Variants in TRPM3 observed in about 807,000 individuals in gnomAD.
The protein encoded by TRPM3 is long transient receptor potential channel 3.
In TRPM3, 77 loss-of-function variants were observed where a neutral mutation model predicts 181.2. That is an observed-to-expected ratio of 0.42 (90% CI 0.35 to 0.51). The LOEUF (loss-of-function observed/expected upper bound fraction) is 0.51, where lower values mean the gene tolerates loss of function less well. Ranked by LOEUF, TRPM3 falls within the 20% of genes least tolerant of loss-of-function variation. The pLI is 0.01. For missense variants in TRPM3, 1,759 were observed against 2,196.7 expected, an observed-to-expected ratio of 0.80 and a Z score of 3.98; for synonymous variants, 745 against 796.4, an observed-to-expected ratio of 0.94 and a Z score of 1.09.
In TRPM3 at chr9:70,905,748, T is replaced by A. The variant is rs78621704; in HGVS notation, c.178-41237A>T. Among the ~76,000 whole-genome samples, 824 of 152,138 alleles carry A rather than the reference T, an allele frequency of 5.4e-3. 6 individuals are homozygous for A. Among genetic ancestry groups the A allele is most frequent in the South Asian group, 0.048 (231 of 4,792 alleles). ...ATTCTAATAAGAAAGTCGTTTCTTT[T>A]TTTTTTTCTTTTGAGACAGCGTCTT... is the stretch of plus-strand genomic sequence containing the variant. On this transcript the variant is annotated intron_variant, in intron 1 of 25. Transcript: ENST00000677713.
intron 22 of TRPM3, among the ~76,000 whole-genome samples, chr9:70,587,001 A>AT (rs375691936): frequency 0.046 from 6,846 of 147,536 alleles, 481 homozygotes; most frequent in African/African-American, 0.15. Context: ...AGGAGCAAGG[A>AT]TTTTTTTTTT....
At chr9:70,794,352 A>G (rs1255337825) in intron 6 of TRPM3, among the ~76,000 whole-genome samples, 1 of 152,220 alleles carries the variant, frequency 6.6e-6, no homozygotes, top group Non-Finnish European at 1.5e-5. Flanking sequence ...GACCCAGGGC[A>G]GAGAGAGCAA....
At chr9:71,309,009 T>C (rs951233326) in intron 1 of TRPM3, among the ~76,000 whole-genome samples, 4 of 152,156 alleles carry the variant, frequency 2.6e-5, no homozygotes, top group Admixed American at 6.6e-5. Flanking sequence ...GGTCAATATT[T>C]AGAGGTGCTG....
In TRPM3 at chr9:70,984,377, G is replaced by A. The variant is rs150640839; in HGVS notation, c.178-119866C>T. Among the ~76,000 whole-genome samples, 7 of 152,290 alleles carry A rather than the reference G, an allele frequency of 4.6e-5. No homozygotes were observed. In the East Asian group the frequency reaches 1.4e-3, roughly 29 times the overall value. On this transcript the variant is annotated intron_variant, in intron 1 of 25. Coordinates refer to ENST00000677713, the MANE Select transcript of TRPM3 (RefSeq NM_001366145.2). ...CAGTGTTGTAATAATGCAATTATTTGGTTAAATTTGTGTAAACACAGAGGG... is the reference window on the plus strand; with the variant it reads ...CAGTGTTGTAATAATGCAATTATTTAGTTAAATTTGTGTAAACACAGAGGG...
At chr9:70,934,683 T>G (rs549350071) in intron 1 of TRPM3, among the ~76,000 whole-genome samples, 40 of 152,264 alleles carry the variant, frequency 2.6e-4, no homozygotes, top group African/African-American at 9.6e-4. Context: ...TTTGCCATTA[T>G]GGCAAAAAAA....
At chr9:71,106,222 T>C (rs572728925) in intron 1 of TRPM3, among the ~76,000 whole-genome samples, 2 of 152,298 alleles carry the variant, frequency 1.3e-5, no homozygotes, top group East Asian at 1.9e-4. Context: ...TACGCCACTA[T>C]TGACAACTGC....
intron 22 of TRPM3, among the ~76,000 whole-genome samples, chr9:70,558,257 A>G (rs2048214184): frequency 6.6e-6 from 1 of 152,200 alleles, no homozygotes; most frequent in African/African-American, 2.4e-5. Context: ...CCAGCCTTCT[A>G]TAGTCATAAA....
intron 12 of TRPM3, among the ~76,000 whole-genome samples, chr9:70,628,895 CTT>C (rs1313831474): frequency 6.9e-6 from 1 of 145,958 alleles, no homozygotes; most frequent in Non-Finnish European, 1.5e-5. Context: ...CTTTGAGAAA[CTT>C]AGGTGTAAGC....
intron 1 of TRPM3, among the ~76,000 whole-genome samples, chr9:71,408,193 C>A (rs901536712): frequency 3.3e-5 from 5 of 152,180 alleles, no homozygotes; most frequent in African/African-American, 1.2e-4. Flanking sequence ...AGCACCTCTT[C>A]TCCTCCAAAG....
At chr9:71,161,438 C>A (rs2076267395) in intron 1 of TRPM3, among the ~76,000 whole-genome samples, 1 of 152,034 alleles carries the variant, frequency 6.6e-6, no homozygotes, top group South Asian at 2.1e-4. Context: ...GAGAAAGGAC[C>A]CATATCAGAT....
At chr9:70,542,688 A>G (rs2043776196) in intron 25 of TRPM3, among the ~76,000 whole-genome samples, 1 of 152,262 alleles carries the variant, frequency 6.6e-6, no homozygotes, top group Admixed American at 6.5e-5. Context: ...ATGTGGTGAA[A>G]GGAAATGTGG....
chr9:70,964,575 C>T (rs961531614), intron 1 of TRPM3, among the ~76,000 whole-genome samples: 2 of 152,014 alleles, frequency 1.3e-5, no homozygotes, highest in East Asian at 1.9e-4. Flanking sequence ...CTACAATCCC[C>T]GTGGTTGAGG....
At chr9:71,406,588 T>C (rs949042741) in intron 1 of TRPM3, among the ~76,000 whole-genome samples, 2 of 152,136 alleles carry the variant, frequency 1.3e-5, no homozygotes, top group African/African-American at 4.8e-5. Flanking sequence ...AAAATAGAAA[T>C]TCTGTTTACG....
chr9:70,621,829 G>T (rs1167769124), intron 14 of TRPM3, among the ~76,000 whole-genome samples: 2 of 152,112 alleles, frequency 1.3e-5, no homozygotes, highest in African/African-American at 4.8e-5. Context: ...AGAAAATGAG[G>T]AAACTAGCCA....
At chr9:70,972,184 G>A (rs1590192958) in intron 1 of TRPM3, among the ~76,000 whole-genome samples, 1 of 152,128 alleles carries the variant, frequency 6.6e-6, no homozygotes, top group East Asian at 1.9e-4. Context: ...CTATCCAAAT[G>A]TCTGTCACTT....
intron 1 of TRPM3, among the ~76,000 whole-genome samples, chr9:71,272,862 T>C (rs983069310): frequency 1.3e-5 from 2 of 151,196 alleles, no homozygotes; most frequent in Admixed American, 6.6e-5. Context: ...ATGAACATTG[T>C]ATGAAAGCGG....
rs530531810 is a variant in TRPM3 at position 71,182,882 on chromosome 9, A to C, written c.183+263771T>G. Among the ~76,000 whole-genome samples, 16 of 152,072 alleles carry C rather than the reference A, an allele frequency of 1.1e-4. No individual in the cohort carries two copies. In the South Asian group the frequency reaches 3.1e-3, roughly 30 times the overall value. On this transcript the variant is annotated intron_variant, in intron 1 of 24. Coordinates refer to the TRPM3 transcript ENST00000357533. ...TCACCATATTGGCCAGGATGGTCTC[A>C]AACTCCTGACCTCAGATTATCCACC...
chr9:71,024,543 C>A (rs2097875896), intron 1 of TRPM3, among the ~76,000 whole-genome samples: 1 of 152,142 alleles, frequency 6.6e-6, no homozygotes. Context: ...CGAGTGTGAG[C>A]TCTAAAACTG....
At position 71,090,788 on chromosome 9, in the gene TRPM3, T is replaced by C. The variant is rs894107606; in HGVS notation, c.177+30390A>G. 2.8e-4 allele frequency among the ~76,000 whole-genome samples: 43 copies of C among 152,268 alleles called. 1 individual carries two copies. The highest frequency in any genetic ancestry group is 1.0e-3 in the African/African-American group (42 of 41,564). On this transcript the variant is annotated intron_variant, in intron 1 of 25. Transcript: ENST00000677713. The stretch of plus-strand genomic sequence containing the variant: ...ATTTTCATTTGTAAAATAAGAATAA[T>C]GACTACCTACTTCATGGGATTACTT...
Sources: allele counts gnomAD v4.1 joint callset (sites outside exome capture counted in the v4.1 genomes callset), GRCh38; gene constraint gnomAD v4.1.1; transcripts MANE v1.5; gene names NCBI Gene and HGNC (gene_info 2026-07-23, HGNC 2026-07-21).